The following DUSP16 variants were observed in gnomAD, a reference collection of about 807,000 sequenced individuals.
The protein encoded by DUSP16 is dual specificity protein phosphatase 16.
A neutral mutation model predicts 58.3 loss-of-function variants in DUSP16; 21 were observed. The ratio of observed to expected loss-of-function variants is 0.36; its 90% CI spans 0.26 to 0.52. The LOEUF is 0.52. Ranked by LOEUF, DUSP16 falls within the 20% of genes least tolerant of loss-of-function variation. The pLI is 0.94. For synonymous variants in DUSP16, 320 were observed against 323.8 expected (o/e 0.99, Z 0.12); for missense variants, 726 against 819.0 (o/e 0.89, Z 1.39).
Position 12,477,172 on chromosome 12 carries a change from C to A in DUSP16, c.1659G>T (p.Leu553=). ...CTGTGGCAAAATACCAGCTGCTGGT[C>A]AGGGAAGGGGTAGAGGTCTGGGGGG... ...ILAPQTSTPS[L]TSSWYFATES... is the part of the protein sequence containing the mutation. Residue 553 remains leucine, a synonymous_variant, in exon 7 of 7, where the codon CTG becomes CTT. Coordinates refer to ENST00000298573, the MANE Select transcript of DUSP16 (RefSeq NM_030640.3). This position sits in a 1 kb window ranked among gnomAD's most constrained non-coding sequence, Gnocchi z 4.1. 1 of 1,614,110 alleles carries A rather than the reference C, an allele frequency of 6.2e-7. No individual in the cohort carries two copies.
intron 1 of DUSP16, among the ~76,000 whole-genome samples, chr12:12,527,638 A>G (rs1944324826): frequency 6.6e-6 from 1 of 152,248 alleles, no homozygotes; most frequent in Admixed American, 6.5e-5. Flanking sequence ...TTATAAAAGT[A>G]TAAAACAAAG....
chr12:12,482,873 G>T (rs1943599121), intron 5 of DUSP16, among the ~76,000 whole-genome samples: 1 of 152,110 alleles, frequency 6.6e-6, no homozygotes, highest in African/African-American at 2.4e-5. Flanking sequence ...ACCATGCCTG[G>T]CTAATTTTTG....
At chr12:12,502,629 G>A (rs914171435) in intron 3 of DUSP16, among the ~76,000 whole-genome samples, 2 of 148,126 alleles carry the variant, frequency 1.4e-5, no homozygotes, top group Admixed American at 1.4e-4. Flanking sequence ...TCAGCTCACT[G>A]CAATCTCCGC....
intron 3 of DUSP16, among the ~76,000 whole-genome samples, 183 bp from the exon 4 acceptor site, chr12:12,500,865 A>G (rs1943898122): frequency 6.6e-6 from 1 of 152,216 alleles, no homozygotes; most frequent in South Asian, 2.1e-4. Context: ...CCTGGCCTAT[A>G]ACGCTACCAT....
chr12:12,532,120 T>TGCAGTCC, intron 1 of DUSP16, among the ~76,000 whole-genome samples: 1 of 152,060 alleles, frequency 6.6e-6, no homozygotes, highest in African/African-American at 2.4e-5. Flanking sequence ...ATTGCGCCAC[T>TGCAGTCC]GCAGTCCGCA....
At position 12,540,942 on chromosome 12, in the gene DUSP16, TTCTTTTC is replaced by T. The variant is rs1223420888; in HGVS notation, c.-365-19486_-365-19480del. 1.3e-3 allele frequency among the ~76,000 whole-genome samples: 136 copies of T among 101,074 alleles called. 2 individuals carry two copies. The highest frequency in any genetic ancestry group is 4.8e-3 in the African/African-American group (121 of 25,250). 66.3% of individuals were successfully genotyped at this position (101,074 alleles called of 152,430 possible). Reference sequence around the variant, plus strand: ...GACAGTTGCTTTTTTTTCTTTTCTTTTCTTTTCTTTTTTTTTTTTTTTTTTTTTTTTG... The same window carrying T: ...GACAGTTGCTTTTTTTTCTTTTCTTTTTTTTTTTTTTTTTTTTTTTTTTTG... On this transcript the variant is annotated intron_variant, in intron 1 of 6. Coordinates refer to ENST00000298573, the MANE Select transcript of DUSP16 (RefSeq NM_030640.3).
chr12:12,488,420 G>T (rs189267227), intron 4 of DUSP16, among the ~76,000 whole-genome samples: 1 of 152,306 alleles, frequency 6.6e-6, no homozygotes, highest in Admixed American at 6.5e-5. Context: ...ATGAAGTAAT[G>T]AGTAAGATCT....
At chr12:12,535,829 G>A (rs1286942903) in intron 1 of DUSP16, among the ~76,000 whole-genome samples, 1 of 152,234 alleles carries the variant, frequency 6.6e-6, no homozygotes, top group Non-Finnish European at 1.5e-5. Flanking sequence ...AAGAGAGGAA[G>A]ATGATTCCAG....
At position 12,476,822 on chromosome 12, in the gene DUSP16, T is replaced by C. The variant is rs191898046; in HGVS notation, c.*11A>G. On this transcript the variant is annotated 3_prime_UTR_variant, in exon 7 of 7. Coordinates refer to ENST00000298573, the MANE Select transcript of DUSP16 (RefSeq NM_030640.3). ...AAAAATTGTCTATAGAAGTCACAAGTGTCTTTCTTCTCAGGAGACCTCAAT... is the reference window on the plus strand; with the variant it reads ...AAAAATTGTCTATAGAAGTCACAAGCGTCTTTCTTCTCAGGAGACCTCAAT... 1.3e-6 allele frequency: 2 copies of C among 1,565,622 alleles called. No homozygotes were observed. The highest frequency in any genetic ancestry group is 2.2e-5 in the East Asian group (1 of 44,534).
intron 1 of DUSP16, among the ~76,000 whole-genome samples, chr12:12,553,261 C>T (rs1297550002): frequency 6.6e-6 from 1 of 151,804 alleles, no homozygotes; most frequent in African/African-American, 2.4e-5. Flanking sequence ...TTTATAGTAC[C>T]ACAAAAAAAT....
chr12:12,521,021 C>T lies in DUSP16; in HGVS notation c.78G>A (p.Val26=), dbSNP rs1420188236. 4.3e-6 allele frequency: 7 copies of T among 1,614,184 alleles called. No individual in the cohort carries two copies. Among genetic ancestry groups the T allele is most frequent in the Non-Finnish European group, 5.9e-6 (7 of 1,180,028 alleles). The change falls in exon 2 of 7, where the codon GTG becomes GTA. Residue 26 remains valine (V), a synonymous_variant. Coordinates refer to ENST00000298573, the MANE Select transcript of DUSP16 (RefSeq NM_030640.3). The part of the protein sequence containing the change: ...VALLESGTEK[V]LLIDSRPFVE... ...CAAATGGCCGGCTATCAATTAGCAG[C>T]ACTTTTTCCGTTCCACTTTCCAGCA... is the stretch of plus-strand genomic sequence containing the variant.
At chr12:12,489,292 G>C (rs550804915) in intron 4 of DUSP16, among the ~76,000 whole-genome samples, 4 of 152,124 alleles carry the variant, frequency 2.6e-5, no homozygotes, top group African/African-American at 9.7e-5. Flanking sequence ...AGATCTTAAT[G>C]GTATTTACTA....
intron 1 of DUSP16, among the ~76,000 whole-genome samples, chr12:12,543,537 C>A (rs1944596179): frequency 6.6e-6 from 1 of 151,990 alleles, no homozygotes; most frequent in Non-Finnish European, 1.5e-5. Flanking sequence ...TATATAAATA[C>A]CTGCCCAAGT....
chr12:12,550,685 G>A (rs1438818024), intron 1 of DUSP16, among the ~76,000 whole-genome samples: 1 of 152,052 alleles, frequency 6.6e-6, no homozygotes, highest in East Asian at 1.9e-4. Context: ...ACTGGGAGGG[G>A]AACATCACAC....
chr12:12,543,972 G>C (rs901975349), intron 1 of DUSP16, among the ~76,000 whole-genome samples: 3 of 151,598 alleles, frequency 2.0e-5, no homozygotes, highest in African/African-American at 7.3e-5. Context: ...TTAACTCAAA[G>C]CATTTAAAAA....
At chr12:12,526,843 G>A (rs1217987401) in intron 1 of DUSP16, among the ~76,000 whole-genome samples, 1 of 151,988 alleles carries the variant, frequency 6.6e-6, no homozygotes, top group Admixed American at 6.6e-5. Flanking sequence ...GTTATTTTCT[G>A]CTGGCAGCAA....
At chr12:12,536,228 T>TA (rs2136246574) in intron 1 of DUSP16, among the ~76,000 whole-genome samples, 1 of 152,348 alleles carries the variant, frequency 6.6e-6, no homozygotes, top group South Asian at 2.1e-4. Context: ...TGGCACAAGA[T>TA]ATACCCTTAT....
rs1944235605 is a variant in DUSP16 at position 12,521,416 on chromosome 12, CT to C, written c.-319del. 8.3e-7 allele frequency: 1 copy of C among 1,209,426 alleles called. No homozygotes were observed. Among genetic ancestry groups the C allele is most frequent in the Admixed American group, 4.1e-5 (1 of 24,562 alleles). 74.9% of individuals were successfully genotyped at this position (1,209,426 alleles called of 1,614,324 possible). ...GGAGCAGCCAGCGCATTACATCATT[CT>C]TTACCTTTGCTCCCGCGCTCCAACA... On this transcript the variant is annotated 5_prime_UTR_variant, in exon 2 of 7. Coordinates refer to ENST00000298573, the MANE Select transcript of DUSP16 (RefSeq NM_030640.3).
intron 4 of DUSP16, among the ~76,000 whole-genome samples, chr12:12,488,680 G>C (rs1943718661): frequency 6.6e-6 from 1 of 152,184 alleles, no homozygotes; most frequent in Non-Finnish European, 1.5e-5. Context: ...CTACCTGAAA[G>C]AAAATGGGCA....
Sources: allele counts gnomAD v4.1 joint callset (sites outside exome capture counted in the v4.1 genomes callset), GRCh38; gene constraint gnomAD v4.1.1; non-coding constraint Gnocchi (gnomAD v3.1); transcripts MANE v1.5; gene names NCBI Gene and HGNC (gene_info 2026-07-23, HGNC 2026-07-21).